BPGM: variants seen among roughly 807,000 people sequenced by gnomAD.
The protein encoded by BPGM is bisphosphoglycerate mutase.
BPGM carries 15 observed loss-of-function variants against 21.6 expected under a neutral mutation model. That is an observed-to-expected ratio of 0.70 (90% CI 0.47 to 1.07). BPGM has a LOEUF of 1.07. Among genes scored for constraint, BPGM ranks in the 50% least tolerant of loss-of-function variants. BPGM has a pLI of 0.00. For synonymous variants in BPGM, 113 were observed against 116.2 expected (o/e 0.97, Z 0.18); for missense variants, 273 against 319.0 (o/e 0.86, Z 1.10).
chr7:134,650,057 A>T (rs998300094), intron 1 of BPGM, among the ~76,000 whole-genome samples: 114 of 152,360 alleles, frequency 7.5e-4, no homozygotes, highest in African/African-American at 2.7e-3. Context: ...CTTTATAGAT[A>T]TGGAACCTGA....
chr7:134,668,855 T>C (rs1262338168), intron 2 of BPGM, among the ~76,000 whole-genome samples: 1 of 150,318 alleles, frequency 6.7e-6, no homozygotes, highest in Non-Finnish European at 1.5e-5. Context: ...ATTCCATTTA[T>C]GTGCCATTTG....
chr7:134,668,160 A>T (rs1795847931), intron 2 of BPGM, among the ~76,000 whole-genome samples: 1 of 152,148 alleles, frequency 6.6e-6, no homozygotes, highest in Non-Finnish European at 1.5e-5. Flanking sequence ...ATCCTGACTG[A>T]TGCTTTCTCC....
rs553377218 is a variant in BPGM, at chr7:134,661,791, T to C, written c.284T>C (p.Leu95Ser). ...CTAAATGAGCGTCACTATGGGGCCTTGATCGGTCTCAACAGGGAGCAGATG... is the reference window on the plus strand; with the variant it reads ...CTAAATGAGCGTCACTATGGGGCCTCGATCGGTCTCAACAGGGAGCAGATG... ...WRLNERHYGA[L>S]IGLNREQMAL... The change falls in exon 2 of 3, where the codon TTG becomes TCG. Residue 95 changes from leucine to serine, a missense_variant. Coordinates refer to ENST00000344924, the MANE Select transcript of BPGM (RefSeq NM_001724.5). The surrounding 1 kb of genome is among the most constrained non-coding windows in gnomAD (Gnocchi z 4.6). The C allele has an allele frequency of 1.9e-6, 3 of 1,614,052 alleles. No homozygotes were observed. In the South Asian group the frequency reaches 3.3e-5, roughly 18 times the overall value.
intron 2 of BPGM, among the ~76,000 whole-genome samples, chr7:134,672,417 C>A (rs1285517309): frequency 6.6e-6 from 1 of 152,104 alleles, no homozygotes; most frequent in African/African-American, 2.4e-5. Context: ...CAGTGCCTTG[C>A]CCATTGCAAG....
chr7:134,666,516 G>A (rs17789666), intron 2 of BPGM, among the ~76,000 whole-genome samples: 18,746 of 152,194 alleles, frequency 0.12, 1,299 homozygotes, highest in Middle Eastern at 0.2. Context: ...TGGAATGGAT[G>A]TGAGGATCCG....
At chr7:134,666,979 A>T (rs1387119598) in intron 2 of BPGM, among the ~76,000 whole-genome samples, 3 of 152,186 alleles carry the variant, frequency 2.0e-5, no homozygotes, top group African/African-American at 7.2e-5. Flanking sequence ...TTGTAGATGT[A>T]TTCACTCACC....
intron 1 of BPGM, among the ~76,000 whole-genome samples, chr7:134,659,175 G>A (rs1172429136): frequency 5.3e-5 from 8 of 152,128 alleles, no homozygotes; most frequent in Admixed American, 4.6e-4. Context: ...GAAGGTAGAG[G>A]AACAGTTGAT....
chr7:134,674,141 G>C (rs1268662841), intron 2 of BPGM, among the ~76,000 whole-genome samples: 1 of 152,032 alleles, frequency 6.6e-6, no homozygotes. Context: ...TTGAACTCCT[G>C]ACCTCAAGTG....
chr7:134,669,515 A>G (rs1195996559), intron 2 of BPGM, among the ~76,000 whole-genome samples: 3 of 152,052 alleles, frequency 2.0e-5, no homozygotes, highest in African/African-American at 2.4e-5. Context: ...CGGGTCAACA[A>G]GGACCTCCTG....
intron 2 of BPGM, among the ~76,000 whole-genome samples, chr7:134,666,539 G>A (rs1167268094): frequency 6.6e-6 from 1 of 152,168 alleles, no homozygotes; most frequent in Admixed American, 6.5e-5. Flanking sequence ...TTTGTCCACA[G>A]GAAAATAGAA....
chr7:134,658,391 A>T (rs950282359), intron 1 of BPGM: 12 of 152,342 alleles, frequency 7.9e-5, no homozygotes, highest in Non-Finnish European at 1.3e-4. Flanking sequence ...AGATGAGGTT[A>T]TCGGAAAACT....
intron 1 of BPGM, among the ~76,000 whole-genome samples, chr7:134,648,774 C>A (rs984317905): frequency 1.3e-5 from 2 of 152,248 alleles, no homozygotes; most frequent in Middle Eastern, 3.4e-3. Context: ...CCACCTCTGC[C>A]TCCTGGGCTC....
At chr7:134,659,242 A>G (rs906311990) in intron 1 of BPGM, among the ~76,000 whole-genome samples, 2 of 152,170 alleles carry the variant, frequency 1.3e-5, no homozygotes, top group Non-Finnish European at 2.9e-5. Context: ...AAAATGATCA[A>G]TGGTTACAAA....
At chr7:134,672,709 A>G (rs1795924723) in intron 2 of BPGM, among the ~76,000 whole-genome samples, 3 of 152,132 alleles carry the variant, frequency 2.0e-5, no homozygotes, top group African/African-American at 7.2e-5. Context: ...TGAAATCTGT[A>G]TATACATAAG....
chr7:134,679,115 C>T lies in BPGM; in HGVS notation c.*84C>T. 2 of 1,478,710 alleles carry T rather than the reference C, an allele frequency of 1.4e-6. No individual in the cohort carries two copies. Among genetic ancestry groups the T allele is most frequent in the South Asian group, 1.2e-5 (1 of 85,194 alleles). 91.6% of individuals were successfully genotyped at this position (1,478,710 alleles called of 1,614,324 possible). On this transcript the variant is annotated 3_prime_UTR_variant, in exon 3 of 3. Transcript: ENST00000344924. ...GGGTGCTGAACTCTCTCTCTTTTTC[C>T]CCGATTTTCCAGAGCTAGGCTGTGG...
At chr7:134,652,364 G>C (rs969771712) in intron 1 of BPGM, among the ~76,000 whole-genome samples, 1 of 152,012 alleles carries the variant, frequency 6.6e-6, no homozygotes, top group African/African-American at 2.4e-5. Context: ...CATAATAGTT[G>C]TATATATTTA....
At chr7:134,647,106 C>T (rs1795473082) in intron 1 of BPGM, 169 bp downstream of exon 1, 1 of 153,118 alleles carries the variant, frequency 6.5e-6, no homozygotes, top group African/African-American at 2.4e-5. Flanking sequence ...ACTTATCGCC[C>T]CGGTCCCTTT....
chr7:134,666,018 T>C (rs184002566), intron 2 of BPGM, among the ~76,000 whole-genome samples: 2 of 152,100 alleles, frequency 1.3e-5, no homozygotes, highest in African/African-American at 4.8e-5. Context: ...GCTAGGATTA[T>C]AGGTGTGTAC....
At chr7:134,674,438 C>T (rs1012040538) in intron 2 of BPGM, among the ~76,000 whole-genome samples, 6 of 152,178 alleles carry the variant, frequency 3.9e-5, no homozygotes, top group African/African-American at 1.4e-4. Context: ...TGGGCAACAA[C>T]TAATCTACTT....
Sources: gnomAD v4.1 joint callset for allele counts (sites outside exome capture counted in the v4.1 genomes callset) on GRCh38, gnomAD v4.1.1 for gene constraint, Gnocchi (gnomAD v3.1) non-coding constraint, MANE v1.5 for transcripts, NCBI Gene and HGNC (gene_info 2026-07-23, HGNC 2026-07-21) for gene names.